The following CNTNAP2 variants were observed in gnomAD, a reference collection of about 807,000 sequenced individuals.
CNTNAP2 encodes contactin associated protein 2, also known as contactin-associated protein-like 2.
Under a neutral mutation model 155.2 loss-of-function variants are expected in CNTNAP2, and 98 were observed. That is an observed-to-expected ratio of 0.63 (90% CI 0.54 to 0.75). The LOEUF is 0.75. CNTNAP2 is among the 30% of genes least tolerant of loss of function. The pLI is 0.00. For missense variants in CNTNAP2, 1,727 were observed against 1,688.1 expected (o/e 1.02, Z -0.40); for synonymous variants, 651 against 631.2 (o/e 1.03, Z -0.47).
chr7:147,341,714 C>A (rs1795766487), intron 9 of CNTNAP2, among the ~76,000 whole-genome samples: 1 of 150,982 alleles, frequency 6.6e-6, no homozygotes, highest in Non-Finnish European at 1.5e-5. Context: ...ATATACAACT[C>A]CTACCCCAAA....
chr7:148,009,129 A>T (rs1181869909), intron 15 of CNTNAP2, among the ~76,000 whole-genome samples: 1 of 152,204 alleles, frequency 6.6e-6, no homozygotes, highest in African/African-American at 2.4e-5. Context: ...AAAAGTTGAA[A>T]ATTCGTTTAA....
intron 8 of CNTNAP2, among the ~76,000 whole-genome samples, chr7:147,263,602 C>T (rs756101632): frequency 1.7e-4 from 26 of 152,164 alleles, no homozygotes; most frequent in Non-Finnish European, 3.5e-4. Flanking sequence ...TTGACTTATA[C>T]ATAATATTAA....
chr7:146,983,263 A>G (rs1461832928), intron 3 of CNTNAP2, among the ~76,000 whole-genome samples: 3 of 152,168 alleles, frequency 2.0e-5, no homozygotes, highest in Non-Finnish European at 2.9e-5. Context: ...CTAGGAAAGA[A>G]TATATTCATT....
chr7:148,400,328 C>T (rs968938616), intron 22 of CNTNAP2, among the ~76,000 whole-genome samples: 3 of 152,184 alleles, frequency 2.0e-5, no homozygotes, highest in East Asian at 3.9e-4. Flanking sequence ...TCCTTCAGAC[C>T]GGGGTTTAAA....
chr7:147,975,367 G>T (rs948924617), intron 14 of CNTNAP2, among the ~76,000 whole-genome samples: 1 of 151,982 alleles, frequency 6.6e-6, no homozygotes, highest in African/African-American at 2.4e-5. Context: ...ATCATTATGT[G>T]GGTCATGGTT....
intron 19 of CNTNAP2, among the ~76,000 whole-genome samples, chr7:148,227,621 C>T (rs1795876783): frequency 6.6e-6 from 1 of 151,978 alleles, no homozygotes; most frequent in African/African-American, 2.4e-5. Flanking sequence ...CTGTGGTTAC[C>T]GAAGTGGAAA....
At chr7:146,864,129 T>G (rs1473448799) in intron 3 of CNTNAP2, among the ~76,000 whole-genome samples, 1 of 152,064 alleles carries the variant, frequency 6.6e-6, no homozygotes, top group Non-Finnish European at 1.5e-5. Flanking sequence ...ATGTAGAGCA[T>G]TAGCATATTT....
chr7:147,066,933 G>A (rs1261211067), intron 4 of CNTNAP2, among the ~76,000 whole-genome samples: 1 of 152,178 alleles, frequency 6.6e-6, no homozygotes, highest in Non-Finnish European at 1.5e-5. Context: ...CAAGGTTGCA[G>A]ACTGCTAGTT....
intron 13 of CNTNAP2, among the ~76,000 whole-genome samples, chr7:147,652,729 G>T (rs969963102): frequency 6.6e-6 from 1 of 151,986 alleles, no homozygotes; most frequent in Non-Finnish European, 1.5e-5. Context: ...AGGAAGGGGG[G>T]AAGAAAGGAA....
intron 10 of CNTNAP2, among the ~76,000 whole-genome samples, chr7:147,462,351 C>G (rs530964995): frequency 2.0e-4 from 31 of 152,282 alleles, no homozygotes; most frequent in Admixed American, 5.2e-4. Flanking sequence ...CAATAAATAC[C>G]CTTTTCATTT....
intron 15 of CNTNAP2, among the ~76,000 whole-genome samples, chr7:148,106,092 C>A (rs1171416285): frequency 6.6e-6 from 1 of 152,120 alleles, no homozygotes; most frequent in Non-Finnish European, 1.5e-5. Context: ...TGGGGATTGA[C>A]TGGATGCTAA....
chr7:147,755,219 G>T (rs186163348), intron 13 of CNTNAP2, among the ~76,000 whole-genome samples: 18 of 152,262 alleles, frequency 1.2e-4, no homozygotes, highest in Admixed American at 3.9e-4. Context: ...GTGACTTGGG[G>T]CACTGATCTT....
chr7:147,040,580 C>T (rs1392108654), intron 3 of CNTNAP2, among the ~76,000 whole-genome samples: 1 of 150,634 alleles, frequency 6.6e-6, no homozygotes, highest in African/African-American at 2.5e-5. Context: ...CCTGCCTCAG[C>T]CTTCCAAGTA....
At chr7:147,140,468 T>G (rs2129287139) in intron 8 of CNTNAP2, among the ~76,000 whole-genome samples, 1 of 152,186 alleles carries the variant, frequency 6.6e-6, no homozygotes, top group South Asian at 2.1e-4. Context: ...AGGTCATAAC[T>G]TCCTCTTGCC....
intron 3 of CNTNAP2, among the ~76,000 whole-genome samples, chr7:146,896,964 A>C (rs1193690454): frequency 6.6e-6 from 1 of 152,130 alleles, no homozygotes; most frequent in African/African-American, 2.4e-5. Flanking sequence ...TTAATATATA[A>C]TGTAAGGGCA....
chr7:148,042,165 C>A (rs1802690259), intron 15 of CNTNAP2, among the ~76,000 whole-genome samples: 1 of 152,202 alleles, frequency 6.6e-6, no homozygotes, highest in Non-Finnish European at 1.5e-5. Flanking sequence ...ACGATCTTAA[C>A]CATTTTTAAG....
intron 10 of CNTNAP2, among the ~76,000 whole-genome samples, chr7:147,436,050 A>T (rs1488894799): frequency 3.3e-5 from 5 of 152,186 alleles, no homozygotes; most frequent in African/African-American, 1.2e-4. Context: ...AAACGTAAAC[A>T]ACAATGGTGC....
chr7:146,979,455 C>T (rs1275965584), intron 3 of CNTNAP2, among the ~76,000 whole-genome samples: 1 of 152,188 alleles, frequency 6.6e-6, no homozygotes, highest in Non-Finnish European at 1.5e-5. Flanking sequence ...GATACTCAAA[C>T]TAAATAACAA....
chr7:146,782,198 C>T (rs774792588), intron 2 of CNTNAP2: 3 of 152,148 alleles, frequency 2.0e-5, no homozygotes, highest in Admixed American at 2.0e-4. Context: ...TTCTCCTTTT[C>T]TCACTCACAG....
Sources: allele counts gnomAD v4.1 joint callset (sites outside exome capture counted in the v4.1 genomes callset), GRCh38; gene constraint gnomAD v4.1.1; transcripts MANE v1.5; gene names NCBI Gene and HGNC (gene_info 2026-07-23, HGNC 2026-07-21).